The following DAG1 variants were observed in gnomAD, a reference collection of about 807,000 sequenced individuals.
DAG1 encodes the protein dystroglycan 1 (dystrophin-associated glycoprotein 1).
Under a neutral mutation model 46.1 loss-of-function variants are expected in DAG1, and 8 were observed. The ratio of observed to expected loss-of-function variants is 0.17; its 90% CI spans 0.10 to 0.31. The LOEUF is 0.31. Ranked by LOEUF, DAG1 falls within the 10% of genes least tolerant of loss-of-function variation. The probability of loss-of-function intolerance (pLI) is 1.00; values close to 1 mark genes in which losing one functional copy is unlikely to be tolerated. For synonymous variants in DAG1, 495 were observed against 481.8 expected, an observed-to-expected ratio of 1.03 and a Z score of -0.36; for missense variants, 1,003 against 1,189.9, an observed-to-expected ratio of 0.84 and a Z score of 2.31.
intron 2 of DAG1, among the ~76,000 whole-genome samples, chr3:49,524,137 G>T (rs750395148): frequency 1.3e-5 from 2 of 152,182 alleles, no homozygotes; most frequent in African/African-American, 2.4e-5. Flanking sequence ...GGTAGAGCAG[G>T]TGCTTTATCC....
chr3:49,478,253 G>C (rs2049744142), intron 1 of DAG1, among the ~76,000 whole-genome samples: 1 of 135,622 alleles, frequency 7.4e-6, no homozygotes, highest in Admixed American at 8.6e-5. Context: ...CATCCTGGGC[G>C]ATGGAGTGAG....
intron 1 of DAG1, among the ~76,000 whole-genome samples, chr3:49,509,362 A>G (rs1246761469): frequency 1.3e-5 from 2 of 152,178 alleles, no homozygotes; most frequent in African/African-American, 2.4e-5. Flanking sequence ...ACATTGAGCT[A>G]TGAACATGAC....
intron 2 of DAG1, among the ~76,000 whole-genome samples, chr3:49,517,737 G>C (rs1292417997): frequency 6.6e-6 from 1 of 152,234 alleles, no homozygotes; most frequent in African/African-American, 2.4e-5. Context: ...GTGATGTCTG[G>C]CTGGTAAGCT....
chr3:49,474,240 G>A (rs976401085), intron 1 of DAG1, among the ~76,000 whole-genome samples: 1 of 151,500 alleles, frequency 6.6e-6, no homozygotes, highest in Non-Finnish European at 1.5e-5. Context: ...ATTTTTAGTC[G>A]AGATGGGGTT....
intron 1 of DAG1, among the ~76,000 whole-genome samples, chr3:49,505,304 G>A (rs2050574812): frequency 6.6e-6 from 1 of 151,844 alleles, no homozygotes; most frequent in African/African-American, 2.4e-5. Context: ...TAATTACTAT[G>A]TTGCCAAGGC....
intron 1 of DAG1, among the ~76,000 whole-genome samples, chr3:49,507,433 G>A (rs1043337826): frequency 1.3e-5 from 2 of 151,938 alleles, no homozygotes; most frequent in Non-Finnish European, 2.9e-5. Flanking sequence ...CGTAGTGGTG[G>A]GAGCCTGTAA....
At chr3:49,500,666 A>G (rs2050424855) in intron 1 of DAG1, among the ~76,000 whole-genome samples, 1 of 152,188 alleles carries the variant, frequency 6.6e-6, no homozygotes, top group Admixed American at 6.5e-5. Flanking sequence ...TAGAGGATAT[A>G]ATGTGAATGA....
At chr3:49,486,139 G>C (rs919781112) in intron 1 of DAG1, among the ~76,000 whole-genome samples, 2 of 151,784 alleles carry the variant, frequency 1.3e-5, no homozygotes, top group African/African-American at 4.8e-5. Flanking sequence ...GGTGAGGGGA[G>C]GGCTGAATGT....
chr3:49,487,096 A>T (rs564928507), intron 1 of DAG1: 7 of 152,334 alleles, frequency 4.6e-5, no homozygotes, highest in African/African-American at 1.7e-4. Context: ...TGTGTTGCCC[A>T]GACTGATCTC....
chr3:49,500,078 AATTTTCCT>A, intron 1 of DAG1, among the ~76,000 whole-genome samples: 1 of 12,382 alleles, frequency 8.1e-5, no homozygotes, highest in Non-Finnish European at 1.9e-4. Flanking sequence ...GGGTTCAAGC[AATTTTCCT>A]GTCTCAGCCT....
chr3:49,530,763 T>C, intron 2 of DAG1, 34 bp from the exon 3 acceptor site: 1 of 1,614,028 alleles, frequency 6.2e-7, no homozygotes, highest in Non-Finnish European at 8.5e-7. Flanking sequence ...GCAGTGACAA[T>C]AGTATTTTTA....
At chr3:49,505,971 A>AT (rs1245813657) in intron 1 of DAG1, among the ~76,000 whole-genome samples, 37 of 125,302 alleles carry the variant, frequency 3.0e-4, no homozygotes, top group Admixed American at 2.5e-3. Context: ...CGCCCGGCCT[A>AT]TTTTTTTTTC....
intron 1 of DAG1, among the ~76,000 whole-genome samples, chr3:49,498,920 G>A (rs1367524302): frequency 6.6e-6 from 1 of 152,020 alleles, no homozygotes; most frequent in Admixed American, 6.6e-5. Flanking sequence ...ACGTTGCCCA[G>A]GCTGGTCTTG....
intron 2 of DAG1, among the ~76,000 whole-genome samples, chr3:49,515,825 C>A (rs974384515): frequency 1.3e-5 from 2 of 152,142 alleles, no homozygotes; most frequent in Admixed American, 6.6e-5. Flanking sequence ...CTAGGCTCCC[C>A]CTGCCTTTGT....
chr3:49,530,686 C>T lies in DAG1; in HGVS notation c.286-111C>T. 4.8e-6 allele frequency: 7 copies of T among 1,470,174 alleles called. No homozygotes were observed. The Admixed American group carries it at 9.1e-5, about 19-fold the overall frequency. The allele number at this position is 1,470,174 out of a possible 1,614,324, so 91.1% of individuals were successfully genotyped here. On this transcript the variant is annotated intron_variant, in intron 2 of 2. Transcript: ENST00000308775. ...GGGAGGAATCAGCTTCCCCAGCAGG[C>T]ATTCTGAATTATACCTTAAACCTGT... is the stretch of plus-strand genomic sequence containing the variant.
chr3:49,472,099 G>T (rs2106726990), intron 1 of DAG1, among the ~76,000 whole-genome samples: 1 of 152,282 alleles, frequency 6.6e-6, no homozygotes, highest in Non-Finnish European at 1.5e-5. Flanking sequence ...TGTATGCGGG[G>T]TGCAGGAGTC....
intron 1 of DAG1, among the ~76,000 whole-genome samples, chr3:49,482,428 C>G (rs1051659476): frequency 6.6e-6 from 1 of 152,200 alleles, no homozygotes; most frequent in Non-Finnish European, 1.5e-5. Flanking sequence ...CTGAATGTCT[C>G]CGTGTAAAAC....
Position 49,520,696 on chromosome 3 carries a change from C to T in DAG1, c.285+9877C>T, listed in dbSNP as rs542077749. On this transcript the variant is annotated intron_variant, in intron 2 of 2. Coordinates refer to ENST00000308775, the MANE Select transcript of DAG1 (RefSeq NM_004393.6). ...CCAGAGGTATTGATGGAAGGTGCCA[C>T]CACCAAGGCCCAAAGTTCCCTCCAA... 3.3e-5 allele frequency among the ~76,000 whole-genome samples: 5 copies of T among 152,328 alleles called. 1 individual carries two copies. The South Asian group carries it at 1.0e-3, about 32-fold the overall frequency.
At chr3:49,500,036 G>T (rs1169184811) in intron 1 of DAG1, among the ~76,000 whole-genome samples, 1 of 145,260 alleles carries the variant, frequency 6.9e-6, no homozygotes, top group East Asian at 2.0e-4. Flanking sequence ...GTGCACTGGT[G>T]TGATCTTGGC....
Sources: allele counts gnomAD v4.1 joint callset (sites outside exome capture counted in the v4.1 genomes callset), GRCh38; gene constraint gnomAD v4.1.1; transcripts MANE v1.5; gene names NCBI Gene and HGNC (gene_info 2026-07-23, HGNC 2026-07-21).